SLC35F3: variants seen among roughly 807,000 people sequenced by gnomAD.
The protein encoded by SLC35F3 is putative thiamine transporter SLC35F3.
A neutral mutation model predicts 49.9 loss-of-function variants in SLC35F3; 25 were observed. That is an observed-to-expected ratio of 0.50 (90% CI 0.37 to 0.70). The LOEUF (loss-of-function observed/expected upper bound fraction) is 0.70. SLC35F3 is among the 30% of genes least tolerant of loss of function. The pLI, the probability that SLC35F3 is intolerant of heterozygous loss-of-function variation, is 0.00. For synonymous variants in SLC35F3, 275 were observed against 265.4 expected (o/e 1.04, Z -0.35); for missense variants, 525 against 639.8 (o/e 0.82, Z 1.94).
chr1:234,057,588 A>G (rs1420011457), intron 2 of SLC35F3, among the ~76,000 whole-genome samples: 1 of 152,198 alleles, frequency 6.6e-6, no homozygotes, highest in Non-Finnish European at 1.5e-5. Flanking sequence ...TCTGTGAATA[A>G]AAATAGTTTT....
chr1:234,059,152 T>C (rs545287175), intron 2 of SLC35F3, among the ~76,000 whole-genome samples: 1 of 152,280 alleles, frequency 6.6e-6, no homozygotes, highest in Non-Finnish European at 1.5e-5. Context: ...TTTTCTCTAT[T>C]GTTTTTCTAT....
intron 2 of SLC35F3, among the ~76,000 whole-genome samples, chr1:234,047,418 G>T (rs1664307387): frequency 6.6e-6 from 1 of 152,200 alleles, no homozygotes; most frequent in African/African-American, 2.4e-5. Flanking sequence ...TTGAAAGCCT[G>T]AATAGAAAGA....
At chr1:233,908,363 A>G (rs1661809909) in intron 2 of SLC35F3, among the ~76,000 whole-genome samples, 1 of 152,148 alleles carries the variant, frequency 6.6e-6, no homozygotes, top group Non-Finnish European at 1.5e-5. Context: ...AGAAGAAACC[A>G]TTTGAATGAC....
At chr1:233,980,167 G>GA (rs1332817426) in intron 2 of SLC35F3, among the ~76,000 whole-genome samples, 1 of 152,200 alleles carries the variant, frequency 6.6e-6, no homozygotes, top group East Asian at 1.9e-4. Flanking sequence ...TGAAGGATGA[G>GA]GAGGACTTTG....
intron 2 of SLC35F3, among the ~76,000 whole-genome samples, chr1:234,097,315 A>C (rs2102880136): frequency 6.6e-6 from 1 of 152,300 alleles, no homozygotes; most frequent in East Asian, 1.9e-4. Context: ...TGTAACCAAA[A>C]ATCACTTGTA....
intron 3 of SLC35F3, among the ~76,000 whole-genome samples, chr1:234,296,496 G>A (rs78204580): frequency 1.9e-3 from 283 of 152,334 alleles, no homozygotes; most frequent in African/African-American, 6.5e-3. Context: ...CAGAAGGTCC[G>A]TCCTTCCTAA....
At chr1:234,080,678 C>A (rs566460663) in intron 2 of SLC35F3, among the ~76,000 whole-genome samples, 2 of 152,040 alleles carry the variant, frequency 1.3e-5, no homozygotes, top group African/African-American at 4.8e-5. Flanking sequence ...ACAAAATGTA[C>A]GATTCCATTT....
chr1:234,304,562 C>T (rs891750558), intron 3 of SLC35F3, among the ~76,000 whole-genome samples: 2 of 152,186 alleles, frequency 1.3e-5, no homozygotes, highest in African/African-American at 2.4e-5. Flanking sequence ...TGCCACCCCA[C>T]GCACATACCT....
chr1:234,155,383 T>C (rs999912670), intron 2 of SLC35F3, among the ~76,000 whole-genome samples: 2 of 126,770 alleles, frequency 1.6e-5, no homozygotes, highest in Admixed American at 1.7e-4. Flanking sequence ...AAGTGAAAAC[T>C]GCTATTCACC....
chr1:234,105,144 C>A (rs960696452), intron 2 of SLC35F3, among the ~76,000 whole-genome samples: 1 of 127,552 alleles, frequency 7.8e-6, no homozygotes, highest in Non-Finnish European at 1.8e-5. Flanking sequence ...AAAAAAAAAA[C>A]CTTTGGGCTC....
chr1:234,095,580 G>A (rs1385473347), intron 2 of SLC35F3, among the ~76,000 whole-genome samples: 1 of 152,150 alleles, frequency 6.6e-6, no homozygotes, highest in African/African-American at 2.4e-5. Context: ...ACTTTTTAGA[G>A]TTCCTGATAA....
chr1:233,940,688 A>T (rs947498927), intron 2 of SLC35F3, among the ~76,000 whole-genome samples: 2 of 152,158 alleles, frequency 1.3e-5, no homozygotes, highest in Non-Finnish European at 2.9e-5. Flanking sequence ...TATTTGCATT[A>T]TGCTGTCATT....
chr1:234,081,913 T>TTC (rs1187900236), intron 2 of SLC35F3, among the ~76,000 whole-genome samples: 1 of 115,518 alleles, frequency 8.7e-6, no homozygotes, highest in East Asian at 2.5e-4. Flanking sequence ...AATTTTTTTT[T>TTC]TTTTTTTTTT....
intron 2 of SLC35F3, among the ~76,000 whole-genome samples, chr1:234,174,760 C>A (rs1218756680): frequency 1.3e-5 from 2 of 152,346 alleles, no homozygotes; most frequent in African/African-American, 2.4e-5. Flanking sequence ...TGTGAGTGGG[C>A]AATCTTGGAA....
intron 2 of SLC35F3, among the ~76,000 whole-genome samples, chr1:233,916,785 C>T (rs981076137): frequency 1.3e-5 from 2 of 152,196 alleles, no homozygotes; most frequent in East Asian, 1.9e-4. Flanking sequence ...GGACACACCA[C>T]CACCATGTGG....
intron 2 of SLC35F3, among the ~76,000 whole-genome samples, chr1:233,952,798 C>T (rs988365870): frequency 6.6e-6 from 1 of 152,186 alleles, no homozygotes; most frequent in African/African-American, 2.4e-5. Flanking sequence ...TTACCATTGA[C>T]ACGGGTAGGC....
At chr1:234,139,951 T>TAATAATAAAATAAAATAA (rs1665868151) in intron 2 of SLC35F3, among the ~76,000 whole-genome samples, 2 of 90,564 alleles carry the variant, frequency 2.2e-5, no homozygotes, top group African/African-American at 4.0e-5. Flanking sequence ...CATCTCAAAA[T>TAATAATAAAATAAAATAA]AATAAAATAA....
At chr1:234,265,976 A>AGGCTTTTCCTT (rs1667971949) in intron 3 of SLC35F3, among the ~76,000 whole-genome samples, 2 of 152,086 alleles carry the variant, frequency 1.3e-5, no homozygotes, top group Non-Finnish European at 2.9e-5. Flanking sequence ...CCTTTGCTCA[A>AGGCTTTTCCTT]ATATCACCCC....
chr1:234,139,679 G>A (rs1665862101), intron 2 of SLC35F3, among the ~76,000 whole-genome samples: 1 of 152,088 alleles, frequency 6.6e-6, no homozygotes, highest in Admixed American at 6.5e-5. Context: ...GCCCGGTGCG[G>A]TGTCTCACAC....
Sources: gnomAD v4.1 joint callset for allele counts (sites outside exome capture counted in the v4.1 genomes callset) on GRCh38, gnomAD v4.1.1 for gene constraint, MANE v1.5 for transcripts, NCBI Gene and HGNC (gene_info 2026-07-23, HGNC 2026-07-21) for gene names.